Variants in PCDH11Y observed in about 807,000 individuals in gnomAD.
PCDH11Y encodes the protein protocadherin 11 Y-linked.
For synonymous variants in PCDH11Y, 9 were observed against 83.6 expected (o/e 0.11, Z 4.87); for missense variants, 12 against 224.8 (o/e 0.05, Z 6.05).
chrY:5,520,932 T>C (rs1167614000), intron 3 of PCDH11Y, among the ~76,000 whole-genome samples: 5,574 of 30,050 alleles, frequency 0.19, no homozygotes, highest in African/African-American at 0.6. Context: ...TTAATTATTC[T>C]TATATTCTTT....
intron 2 of PCDH11Y, among the ~76,000 whole-genome samples, chrY:5,256,929 G>A: frequency 3.0e-5 from 1 of 33,136 alleles, no homozygotes; most frequent in African/African-American, 1.2e-4. Flanking sequence ...CCAGTTGTAC[G>A]AGTGTTCTTG....
intron 3 of PCDH11Y, among the ~76,000 whole-genome samples, chrY:5,544,564 A>G: frequency 3.1e-5 from 1 of 32,688 alleles, no homozygotes; most frequent in Admixed American, 2.8e-4. Flanking sequence ...AAGACTTAAA[A>G]TAGAACTCAA....
At chrY:5,019,923 A>G (rs2052566782) in intron 1 of PCDH11Y, among the ~76,000 whole-genome samples, 1 of 31,975 alleles carries the variant, frequency 3.1e-5, no homozygotes, top group African/African-American at 1.2e-4. Flanking sequence ...TTTAATATAT[A>G]TAATATACAT....
intron 2 of PCDH11Y, among the ~76,000 whole-genome samples, chrY:5,454,426 T>G: frequency 3.0e-5 from 1 of 33,320 alleles, no homozygotes; most frequent in Non-Finnish European, 7.4e-5. Flanking sequence ...TGGATGACAG[T>G]GACCCTCTTC....
chrY:5,576,883 C>T, intron 3 of PCDH11Y, among the ~76,000 whole-genome samples: 1 of 32,067 alleles, frequency 3.1e-5, no homozygotes, highest in Non-Finnish European at 7.7e-5. Context: ...AAAAGTTTTC[C>T]TTGAGCAAAT....
At chrY:5,446,490 T>C in intron 2 of PCDH11Y, among the ~76,000 whole-genome samples, 1 of 34,109 alleles carries the variant, frequency 2.9e-5, no homozygotes, top group South Asian at 6.4e-4. Context: ...GGTTAGCCTT[T>C]TGTCTTACTT....
intron 2 of PCDH11Y, among the ~76,000 whole-genome samples, chrY:5,360,371 A>G: frequency 3.3e-5 from 1 of 30,461 alleles, no homozygotes; most frequent in African/African-American, 1.3e-4. Context: ...GTATGGTGGA[A>G]TACATGAAGT....
chrY:5,575,006 G>A, intron 3 of PCDH11Y, among the ~76,000 whole-genome samples: 1 of 33,613 alleles, frequency 3.0e-5, no homozygotes, highest in East Asian at 7.8e-4. Context: ...AACTTGACCC[G>A]TATCTCTTGC....
At chrY:5,344,910 C>T in intron 2 of PCDH11Y, among the ~76,000 whole-genome samples, 1 of 34,580 alleles carries the variant, frequency 2.9e-5, no homozygotes. Flanking sequence ...TCGTGATCCA[C>T]CCACCTCGGC....
At chrY:5,306,880 A>G in intron 2 of PCDH11Y, among the ~76,000 whole-genome samples, 1 of 28,967 alleles carries the variant, frequency 3.5e-5, no homozygotes, top group Non-Finnish European at 8.3e-5. Context: ...TCTTCAACAG[A>G]TTAAACCATC....
chrY:5,314,150 C>T, intron 2 of PCDH11Y, among the ~76,000 whole-genome samples: 6 of 33,079 alleles, frequency 1.8e-4, no homozygotes, highest in Admixed American at 1.4e-3. Context: ...ATTATTTTTT[C>T]CTTTATTTTC....
At chrY:5,569,491 G>A (rs2053437543) in intron 3 of PCDH11Y, among the ~76,000 whole-genome samples, 3 of 33,550 alleles carry the variant, frequency 8.9e-5, no homozygotes, top group African/African-American at 3.5e-4. Flanking sequence ...CTTTTTAAAA[G>A]TAAAATCATT....
intron 4 of PCDH11Y, among the ~76,000 whole-genome samples, chrY:5,708,455 A>C: frequency 6.0e-5 from 2 of 33,543 alleles, no homozygotes; most frequent in Non-Finnish European, 1.5e-4. Flanking sequence ...TAAACAGTAC[A>C]ATAACATATA....
At chrY:5,591,927 A>G in intron 4 of PCDH11Y, among the ~76,000 whole-genome samples, 1 of 33,084 alleles carries the variant, frequency 3.0e-5, no homozygotes, top group Non-Finnish European at 7.4e-5. Flanking sequence ...GTTCTTTTGC[A>G]TTTGCTGAGG....
chrY:5,331,967 C>T, intron 2 of PCDH11Y, among the ~76,000 whole-genome samples: 2 of 34,114 alleles, frequency 5.9e-5, no homozygotes, highest in South Asian at 6.4e-4. Context: ...TTGTCTAAAT[C>T]ACCAAGAGGC....
At chrY:5,243,062 G>A in intron 2 of PCDH11Y, among the ~76,000 whole-genome samples, 1 of 33,549 alleles carries the variant, frequency 3.0e-5, no homozygotes, top group South Asian at 6.6e-4. Context: ...TATTCCAAAA[G>A]TGGTCTGAAC....
At chrY:5,410,984 G>A (rs376197827) in intron 2 of PCDH11Y, among the ~76,000 whole-genome samples, 595 of 25,195 alleles carry the variant, frequency 0.024, no homozygotes, top group Middle Eastern at 0.11. Flanking sequence ...GACTAGTGCA[G>A]CAATGAACAT....
upstream of PCDH11Y, among the ~76,000 whole-genome samples, chrY:5,052,513 T>C: frequency 3.0e-5 from 1 of 33,522 alleles, no homozygotes; most frequent in Admixed American, 2.7e-4. Context: ...TACTCAGAGA[T>C]GATAAAATGA....
At chrY:5,244,536 G>A in intron 2 of PCDH11Y, among the ~76,000 whole-genome samples, 1 of 33,553 alleles carries the variant, frequency 3.0e-5, no homozygotes, top group Non-Finnish European at 7.4e-5. Context: ...AGGCAGGGGA[G>A]CCCCCAGTCC....
Sources: gnomAD v4.1 joint callset for allele counts (sites outside exome capture counted in the v4.1 genomes callset) on GRCh38, gnomAD v4.1.1 for gene constraint, MANE v1.5 for transcripts, NCBI Gene and HGNC (gene_info 2026-07-23, HGNC 2026-07-21) for gene names.